The following IQCM variants were observed in gnomAD, a reference collection of about 807,000 sequenced individuals.
IQCM encodes the protein IQ motif containing M, also known as IQ domain-containing protein M.
A neutral mutation model predicts 57.6 loss-of-function variants in IQCM; 45 were observed. The observed-to-expected ratio is 0.78, with a 90% CI of 0.62 to 1.00. IQCM has a LOEUF of 1.00. IQCM is among the 50% of genes least tolerant of loss of function. The pLI, the probability that IQCM is intolerant of heterozygous loss-of-function variation, is 0.00. For missense variants in IQCM, 468 were observed against 511.6 expected, an observed-to-expected ratio of 0.91 and a Z score of 0.82; for synonymous variants, 148 against 158.9, an observed-to-expected ratio of 0.93 and a Z score of 0.51.
At chr4:149,702,669 T>A (rs1332116033) in intron 5 of IQCM, among the ~76,000 whole-genome samples, 1 of 151,930 alleles carries the variant, frequency 6.6e-6, no homozygotes, top group Non-Finnish European at 1.5e-5. Flanking sequence ...AAAGTACAGA[T>A]GGAAACTCAT....
intron 13 of IQCM, among the ~76,000 whole-genome samples, chr4:149,413,584 A>C (rs1330623380): frequency 6.6e-6 from 1 of 152,202 alleles, no homozygotes; most frequent in African/African-American, 2.4e-5. Context: ...ATAAGGAAAA[A>C]TCAATGAAAT....
chr4:149,398,618 A>G (rs530453555), intron 13 of IQCM, among the ~76,000 whole-genome samples: 1 of 152,210 alleles, frequency 6.6e-6, no homozygotes, highest in Admixed American at 6.6e-5. Flanking sequence ...TATTGTAAAC[A>G]GAATTGTTTT....
At chr4:149,563,659 T>C (rs1330773425) in intron 10 of IQCM, 33 bp downstream of exon 10, 1 of 1,206,914 alleles carries the variant, frequency 8.3e-7, no homozygotes, top group Non-Finnish European at 1.0e-6. Flanking sequence ...TGAGAAATTT[T>C]AAACACATTA....
intron 9 of IQCM, among the ~76,000 whole-genome samples, chr4:149,571,116 C>T (rs1390933224): frequency 1.3e-5 from 2 of 151,962 alleles, no homozygotes; most frequent in African/African-American, 4.8e-5. Context: ...AACAGAATAC[C>T]ATTTAATCCA....
rs564015968 is a variant in IQCM, at chr4:149,694,829, T to G, written c.386-8361A>C. 5.4e-4 allele frequency among the ~76,000 whole-genome samples: 82 copies of G among 152,316 alleles called. 1 individual carries two copies. In the South Asian group the frequency reaches 0.015, roughly 28 times the overall value. ...TACACAAAACTTACTACTGTGAAAG[T>G]GCTTCAGGCTGGTAAAATCGTTTTC... On this transcript the variant is annotated intron_variant, in intron 5 of 13. Coordinates refer to ENST00000636793, the MANE Select transcript of IQCM (RefSeq NM_001363507.2).
rs143035902 is a variant in IQCM, at chr4:149,508,885, G to A, written c.1228+39570C>T. Among the ~76,000 whole-genome samples, 35 of 152,246 alleles carry A rather than the reference G, an allele frequency of 2.3e-4. 1 individual carries two copies. In the East Asian group the frequency reaches 3.9e-3, roughly 17 times the overall value. ...AGACCCAGTGGGAGGCAATTGAATC[G>A]TGGGGGCAGGTCTTTCCAGTGCTGT... On this transcript the variant is annotated intron_variant, in intron 12 of 13. Coordinates refer to ENST00000636793, the MANE Select transcript of IQCM (RefSeq NM_001363507.2).
intron 9 of IQCM, among the ~76,000 whole-genome samples, chr4:149,572,549 T>C (rs1751261645): frequency 6.6e-6 from 1 of 151,940 alleles, no homozygotes; most frequent in Non-Finnish European, 1.5e-5. Flanking sequence ...TATATATGTA[T>C]ATATATCAAA....
chr4:149,467,592 G>A (rs1481099263), intron 12 of IQCM, among the ~76,000 whole-genome samples: 3 of 152,158 alleles, frequency 2.0e-5, no homozygotes, highest in Non-Finnish European at 2.9e-5. Context: ...AAAGGTAAGG[G>A]CAAGATTTAG....
intron 13 of IQCM, among the ~76,000 whole-genome samples, chr4:149,409,197 A>T (rs1323286520): frequency 1.3e-5 from 2 of 152,202 alleles, no homozygotes; most frequent in Non-Finnish European, 2.9e-5. Context: ...CTGAAGATGC[A>T]CAAAAGGTCA....
In IQCM at chr4:149,428,696, A is replaced by T. The variant is rs570367066; in HGVS notation, c.1390+4700T>A. On this transcript the variant is annotated intron_variant, in intron 13 of 13. Coordinates refer to ENST00000636793, the MANE Select transcript of IQCM (RefSeq NM_001363507.2). ...TTAAAGCTAAGATAGATTCTAATTT[A>T]GCAAATGTGTATCAAGTCTTGACTA... 5.9e-5 allele frequency among the ~76,000 whole-genome samples: 9 copies of T among 152,024 alleles called. No homozygotes were observed. The South Asian group carries it at 1.9e-3, about 31-fold the overall frequency.
At chr4:149,431,255 AG>A (rs1734832962) in intron 13 of IQCM, among the ~76,000 whole-genome samples, 1 of 152,110 alleles carries the variant, frequency 6.6e-6, no homozygotes, top group Admixed American at 6.6e-5. Context: ...TATTTTGCAA[AG>A]TGTATTTACC....
chr4:149,811,757 C>A (rs373335353), intron 2 of IQCM, among the ~76,000 whole-genome samples: 15 of 152,274 alleles, frequency 9.9e-5, no homozygotes, highest in African/African-American at 3.4e-4. Context: ...TCTTCCTGGG[C>A]TCCATCAAAA....
At chr4:149,670,900 T>C (rs569350120) in intron 7 of IQCM, among the ~76,000 whole-genome samples, 5 of 152,134 alleles carry the variant, frequency 3.3e-5, no homozygotes, top group African/African-American at 1.2e-4. Context: ...TGAGGATTTT[T>C]ACATCAATGT....
intron 12 of IQCM, among the ~76,000 whole-genome samples, chr4:149,471,671 A>C (rs1011191125): frequency 6.6e-6 from 1 of 152,194 alleles, no homozygotes; most frequent in Non-Finnish European, 1.5e-5. Context: ...ACAACAAAAA[A>C]AGAGAATTTT....
chr4:149,737,541 T>A (rs1767054259), intron 3 of IQCM: 1 of 152,156 alleles, frequency 6.6e-6, no homozygotes, highest in African/African-American at 2.4e-5. Context: ...GGCCACACTC[T>A]CTCTTTATTC....
At chr4:149,373,892 A>G (rs1285420494) in intron 13 of IQCM, among the ~76,000 whole-genome samples, 1 of 152,106 alleles carries the variant, frequency 6.6e-6, no homozygotes. Context: ...CTCACTTAAG[A>G]TTCAGAAGAC....
intron 7 of IQCM, among the ~76,000 whole-genome samples, chr4:149,657,977 T>G (rs1199140728): frequency 6.6e-6 from 1 of 152,078 alleles, no homozygotes; most frequent in Non-Finnish European, 1.5e-5. Context: ...TTGTTTGTTT[T>G]GGATTTTTTG....
chr4:149,569,949 A>G (rs1750999988), intron 9 of IQCM, among the ~76,000 whole-genome samples: 2 of 152,106 alleles, frequency 1.3e-5, no homozygotes, highest in Non-Finnish European at 2.9e-5. Context: ...ATAAACTTCA[A>G]TTTGTTTGCT....
chr4:149,401,366 C>T (rs1456640765), intron 13 of IQCM, among the ~76,000 whole-genome samples: 1 of 151,700 alleles, frequency 6.6e-6, no homozygotes, highest in African/African-American at 2.4e-5. Context: ...GGCTGACAGA[C>T]TTTGAGAATC....
Sources: gnomAD v4.1 joint callset for allele counts (sites outside exome capture counted in the v4.1 genomes callset) on GRCh38, gnomAD v4.1.1 for gene constraint, MANE v1.5 for transcripts, NCBI Gene and HGNC (gene_info 2026-07-23, HGNC 2026-07-21) for gene names.